The following LRRC74A variants were observed in gnomAD, a reference collection of about 807,000 sequenced individuals.
LRRC74A encodes the protein leucine rich repeat containing 74A, also known as leucine-rich repeat-containing protein 74A.
In LRRC74A, 44 loss-of-function variants were observed where a neutral mutation model predicts 57.9. The ratio of observed to expected loss-of-function variants is 0.76; its 90% CI spans 0.60 to 0.98. LRRC74A has a LOEUF of 0.98. Ranked by LOEUF, LRRC74A falls within the 50% of genes least tolerant of loss-of-function variation. The probability of loss-of-function intolerance (pLI) is 0.00; values close to 1 mark genes in which losing one functional copy is unlikely to be tolerated. For synonymous variants in LRRC74A, 211 were observed against 219.4 expected (o/e 0.96, Z 0.34); for missense variants, 572 against 574.0 (o/e 1.00, Z 0.04).
At position 76,853,232 on chromosome 14, in the gene LRRC74A, C is replaced by T. The variant is rs371108341; in HGVS notation, c.779C>T (p.Thr260Ile). ...TTCCTGGAGGGTAATGTGACCCTGA[C>T]AAAGCTGGATCTCTCCATGAATGGC... ...CNGLRGNVTL[T>I]KLDLSMNGFG... Residue 260 changes from threonine to isoleucine, a missense_variant, in exon 9 of 14, where the codon ACA becomes ATA. By Grantham distance (89) the Thr-to-Ile change is moderately conservative (BLOSUM62 -1). Coordinates refer to ENST00000689127, the MANE Select transcript of LRRC74A (RefSeq NM_001385106.1). The T allele has an allele frequency of 3.1e-6, 5 of 1,612,868 alleles. No individual in the cohort carries two copies. The East Asian group carries it at 8.9e-5, about 29-fold the overall frequency.
chr14:76,834,574 A>C (rs946007241), intron 3 of LRRC74A, among the ~76,000 whole-genome samples: 2 of 152,212 alleles, frequency 1.3e-5, no homozygotes, highest in Non-Finnish European at 2.9e-5. Flanking sequence ...ACAGCCTAGC[A>C]CTGTACCCTT....
Position 76,852,459 on chromosome 14 carries a change from C to A in LRRC74A, c.762+9C>A, listed in dbSNP as rs1897567526. ...TGTGCAATGGTCTCCGGGTAAGGCA[C>A]TCTCCAGGAGTGATGTGTGGAGCCC... On this transcript the variant is annotated intron_variant, in intron 8 of 13. Coordinates refer to ENST00000689127, the MANE Select transcript of LRRC74A (RefSeq NM_001385106.1). 2 of 1,586,474 alleles carry A rather than the reference C, an allele frequency of 1.3e-6. No homozygotes were observed. Among genetic ancestry groups the A allele is most frequent in the South Asian group, 2.3e-5 (2 of 88,626 alleles).
In LRRC74A at chr14:76,828,359, C is replaced by T. The variant is rs750997291; in HGVS notation, c.106C>T (p.Pro36Ser). 98 of 1,613,720 alleles carry T rather than the reference C, an allele frequency of 6.1e-5. No homozygotes were observed. Among genetic ancestry groups the T allele is most frequent in the Non-Finnish European group, 7.6e-5 (90 of 1,179,774 alleles). ...GCTCTACTGTGAGGCCGAATCCCCG[C>T]CGACTGTTGAAAAAGTGAAACCAGC... ...KMLYCEAESP[P>S]TVEKVKPARE... Residue 36 changes from proline (P) to serine (S), a missense_variant, in exon 2 of 14, where the codon CCG (proline) becomes TCG (serine). By Grantham distance (74) the Pro-to-Ser change is moderately conservative. Coordinates refer to ENST00000689127, the MANE Select transcript of LRRC74A (RefSeq NM_001385106.1).
chr14:76,860,831 C>A lies in LRRC74A; in HGVS notation c.1192C>A (p.Leu398Met). Residue 398 changes from leucine to methionine, a missense_variant, in exon 11 of 14, where the codon CTG becomes ATG. Leu to Met is a conservative substitution (Grantham distance 15). Transcript: ENST00000689127. Reference sequence around the variant, plus strand: ...CTTCTTGTTGACAAACCCCATGAAACTGATCCAGGTGAGCTCCTGCCTTCC... The same window carrying A: ...CTTCTTGTTGACAAACCCCATGAAAATGATCCAGGTGAGCTCCTGCCTTCC... ...TIFLLTNPMK[L>M]IQSYADQHKI... The A allele has an allele frequency of 6.2e-7, 1 of 1,605,388 alleles. No individual in the cohort carries two copies. The highest frequency in any genetic ancestry group is 8.5e-7 in the Non-Finnish European group (1 of 1,174,684).
intron 9 of LRRC74A, among the ~76,000 whole-genome samples, chr14:76,855,827 G>T (rs545668271): frequency 1.3e-5 from 2 of 152,194 alleles, no homozygotes; most frequent in Non-Finnish European, 2.9e-5. Flanking sequence ...TCAATAATAA[G>T]AACTATTGTT....
intron 7 of LRRC74A, among the ~76,000 whole-genome samples, chr14:76,851,836 T>G (rs1897519254): frequency 6.6e-6 from 1 of 151,986 alleles, no homozygotes; most frequent in African/African-American, 2.4e-5. Context: ...CAGCTAATTT[T>G]TGTATTTTTA....
Position 76,853,329 on chromosome 14 carries a change from C to T in LRRC74A, c.876C>T (p.Ile292=), listed in dbSNP as rs143651965. 64 of 1,613,006 alleles carry T rather than the reference C, an allele frequency of 4.0e-5. No homozygotes were observed. Among genetic ancestry groups the T allele is most frequent in the Non-Finnish European group, 5.0e-5 (59 of 1,179,568 alleles). Residue 292 remains isoleucine (I), a synonymous_variant, in exon 9 of 14, where the codon ATC becomes ATT. Transcript: ENST00000689127. ...RLNRCLVYLD[I]GGNDIGNEGA... ...ACCGCTGCCTGGTCTACCTGGATATCGGTGGCAATGACATCGGCAATGAAG... is the reference window on the plus strand; with the variant it reads ...ACCGCTGCCTGGTCTACCTGGATATTGGTGGCAATGACATCGGCAATGAAG...
Position 76,860,840 on chromosome 14 carries a change from G to A in LRRC74A, c.1200+1G>A, listed in dbSNP as rs550884671. 1.4e-5 allele frequency: 23 copies of A among 1,596,788 alleles called. No homozygotes were observed. The highest frequency in any genetic ancestry group is 1.7e-4 in the Middle Eastern group (1 of 5,992). The stretch of plus-strand genomic sequence containing the variant: ...GACAAACCCCATGAAACTGATCCAG[G>A]TGAGCTCCTGCCTTCCTCTCAGGGC... On this transcript the variant is annotated splice_donor_variant, in intron 11 of 13. Coordinates refer to ENST00000689127, the MANE Select transcript of LRRC74A (RefSeq NM_001385106.1). LOFTEE classifies it high-confidence loss of function.
chr14:76,833,108 A>T (rs887159035), intron 3 of LRRC74A, among the ~76,000 whole-genome samples: 3 of 152,184 alleles, frequency 2.0e-5, no homozygotes, highest in African/African-American at 4.8e-5. Context: ...TTCAATAGAG[A>T]ATGAGTGACT....
At chr14:76,860,086 T>G (rs1898187406) in intron 10 of LRRC74A, among the ~76,000 whole-genome samples, 1 of 152,208 alleles carries the variant, frequency 6.6e-6, no homozygotes, top group South Asian at 2.1e-4. Context: ...CTACAAAGCC[T>G]TCTGCCCTTA....
chr14:76,851,462 G>C (rs746749242), intron 7 of LRRC74A, among the ~76,000 whole-genome samples: 2 of 152,016 alleles, frequency 1.3e-5, no homozygotes, highest in African/African-American at 4.8e-5. Context: ...GGTTCAATCA[G>C]TTCTCCTGCC....
At chr14:76,847,379 G>T (rs1406875087) in intron 7 of LRRC74A, among the ~76,000 whole-genome samples, 8 of 152,152 alleles carry the variant, frequency 5.3e-5, no homozygotes, top group Non-Finnish European at 1.2e-4. Context: ...CTGAAATCAT[G>T]TTCCTTGCAG....
chr14:76,839,277 T>C (rs1255833739), intron 5 of LRRC74A, among the ~76,000 whole-genome samples: 2 of 152,228 alleles, frequency 1.3e-5, no homozygotes, highest in East Asian at 3.8e-4. Context: ...AATTTCCCTT[T>C]AAAAAGACTG....
chr14:76,826,632 C>G lies in LRRC74A; in HGVS notation c.-66C>G. 6.2e-7 allele frequency: 1 copy of G among 1,610,548 alleles called. No individual in the cohort carries two copies. Among genetic ancestry groups the G allele is most frequent in the Middle Eastern group, 1.7e-4 (1 of 6,056 alleles). ...AGACAGAGGTGAATGGACAGGTGTGCTTCTTAGGGAAGCAGTCGAGAGGTG... is the reference window on the plus strand; with the variant it reads ...AGACAGAGGTGAATGGACAGGTGTGGTTCTTAGGGAAGCAGTCGAGAGGTG... On this transcript the variant is annotated 5_prime_UTR_variant, in exon 1 of 14. Transcript: ENST00000689127.
At chr14:76,851,217 G>A (rs955249552) in intron 7 of LRRC74A, among the ~76,000 whole-genome samples, 3 of 152,206 alleles carry the variant, frequency 2.0e-5, no homozygotes, top group African/African-American at 7.2e-5. Flanking sequence ...CTGCAGCCGT[G>A]GCCTGCCATG....
chr14:76,835,609 G>A (rs901836978), intron 3 of LRRC74A, among the ~76,000 whole-genome samples: 4 of 152,174 alleles, frequency 2.6e-5, no homozygotes, highest in Non-Finnish European at 5.9e-5. Flanking sequence ...CCAGAGCGAG[G>A]TGTGGTGGCT....
chr14:76,856,551 GATGA>G (rs1285015241), intron 9 of LRRC74A, among the ~76,000 whole-genome samples: 1 of 128,650 alleles, frequency 7.8e-6, no homozygotes, highest in Non-Finnish European at 1.7e-5. Flanking sequence ...TGGATGGATG[GATGA>G]GCGGTGAGAT....
At chr14:76,861,778 G>A (rs1466476717) in intron 11 of LRRC74A, among the ~76,000 whole-genome samples, 2 of 152,248 alleles carry the variant, frequency 1.3e-5, no homozygotes, top group East Asian at 1.9e-4. Context: ...GTGGGGGCAA[G>A]GAGCCTGCTG....
intron 5 of LRRC74A, among the ~76,000 whole-genome samples, chr14:76,840,442 G>A (rs1219868952): frequency 1.3e-5 from 2 of 151,892 alleles, no homozygotes; most frequent in African/African-American, 4.8e-5. Context: ...TGATAACCAG[G>A]TACTCCAGCA....
Sources: gnomAD v4.1 joint callset for allele counts (sites outside exome capture counted in the v4.1 genomes callset) on GRCh38, gnomAD v4.1.1 for gene constraint, MANE v1.5 for transcripts, NCBI Gene and HGNC (gene_info 2026-07-23, HGNC 2026-07-21) for gene names.